Variants in SEL1L3 observed in about 807,000 individuals in gnomAD.
The protein encoded by SEL1L3 is protein sel-1 homolog 3.
Under a neutral mutation model 142.8 loss-of-function variants are expected in SEL1L3, and 76 were observed. The ratio of observed to expected loss-of-function variants is 0.53; its 90% CI spans 0.44 to 0.64. SEL1L3 has a LOEUF of 0.64. Ranked by LOEUF, SEL1L3 falls within the 30% of genes least tolerant of loss-of-function variation. The probability of loss-of-function intolerance (pLI) is 0.00; values close to 1 mark genes in which losing one functional copy is unlikely to be tolerated. For missense variants in SEL1L3, 1,262 were observed against 1,381.7 expected (o/e 0.91, Z 1.37); for synonymous variants, 504 against 519.6 (o/e 0.97, Z 0.41).
rs777154017 is a variant in SEL1L3 at position 25,853,741 on chromosome 4, G to C, written c.163-5877C>G. 9.1e-5 allele frequency among the ~76,000 whole-genome samples: 13 copies of C among 143,308 alleles called. No individual in the cohort carries two copies. In the East Asian group the frequency reaches 2.6e-3, roughly 29 times the overall value. 94.0% of individuals were successfully genotyped at this position (143,308 alleles called of 152,430 possible). On this transcript the variant is annotated intron_variant, in intron 1 of 23. Transcript: ENST00000399878. ...GGCTGGAGTGCAATAGGGCAATCTC[G>C]GCTCATTGCAACCTCCGCCTCCCGG...
At chr4:25,853,111 C>T (rs929511913) in intron 1 of SEL1L3, among the ~76,000 whole-genome samples, 1 of 152,192 alleles carries the variant, frequency 6.6e-6, no homozygotes, top group Non-Finnish European at 1.5e-5. Flanking sequence ...TGTTGTGGCT[C>T]ATGCTGGTAA....
intron 2 of SEL1L3, among the ~76,000 whole-genome samples, chr4:25,842,180 G>C (rs901679080): frequency 3.3e-5 from 5 of 151,906 alleles, no homozygotes; most frequent in Non-Finnish European, 5.9e-5. Flanking sequence ...ACGTGTCATA[G>C]GAGCAGTACC....
the SEL1L3 span, among the ~76,000 whole-genome samples, chr4:25,740,957 G>T: frequency 6.6e-6 from 1 of 151,504 alleles, no homozygotes. Context: ...GCTAATTTTT[G>T]TGTTTTTAGT....
chr4:25,775,675 C>T (rs1481367534), intron 17 of SEL1L3, among the ~76,000 whole-genome samples: 1 of 152,108 alleles, frequency 6.6e-6, no homozygotes, highest in Non-Finnish European at 1.5e-5. Flanking sequence ...AAACAGGGAA[C>T]ATTTGTGGGT....
the SEL1L3 span, among the ~76,000 whole-genome samples, chr4:25,733,441 A>AT: frequency 2.9e-4 from 44 of 149,250 alleles, no homozygotes; most frequent in African/African-American, 1.0e-3. Flanking sequence ...TCAAAACATA[A>AT]TTTTTTTAAT....
chr4:25,785,101 C>T (rs1469203497), intron 13 of SEL1L3, among the ~76,000 whole-genome samples: 1 of 152,162 alleles, frequency 6.6e-6, no homozygotes, highest in African/African-American at 2.4e-5. Flanking sequence ...ACTGATACCC[C>T]CAATCCCCAT....
At chr4:25,733,937 T>C in the SEL1L3 span, among the ~76,000 whole-genome samples, 351 of 152,320 alleles carry the variant, frequency 2.3e-3, 1 homozygote, top group Non-Finnish European at 3.4e-3. Context: ...TTAAGTATAA[T>C]GTAGCTGTAG....
downstream of SEL1L3, among the ~76,000 whole-genome samples, chr4:25,744,213 C>G (rs1011690967): frequency 2.0e-5 from 3 of 152,064 alleles, no homozygotes. Flanking sequence ...GTGGTAAGGG[C>G]TGAATTGTGT....
intron 6 of SEL1L3, among the ~76,000 whole-genome samples, chr4:25,828,329 A>T (rs1217908951): frequency 6.6e-6 from 1 of 150,510 alleles, no homozygotes; most frequent in Non-Finnish European, 1.5e-5. Context: ...TTTAATGCAG[A>T]TTCTGATTTA....
At chr4:25,735,369 T>C in the SEL1L3 span, among the ~76,000 whole-genome samples, 5 of 152,134 alleles carry the variant, frequency 3.3e-5, no homozygotes, top group Non-Finnish European at 7.4e-5. Context: ...TTAATGTCTG[T>C]GGGATCTGAA....
chr4:25,834,772 G>GA (rs1454168802), intron 3 of SEL1L3, among the ~76,000 whole-genome samples: 3 of 151,850 alleles, frequency 2.0e-5, no homozygotes, highest in Admixed American at 6.6e-5. Flanking sequence ...TCAGCAGAAG[G>GA]AAAAAAAATA....
At chr4:25,757,487 CTT>C (rs11352729) in intron 23 of SEL1L3, 45 bp downstream of exon 23, 23,591 of 814,344 alleles carry the variant, frequency 0.029, 2 homozygotes, top group East Asian at 0.054. Flanking sequence ...AAAATCCCTG[CTT>C]TTTTTTTTTT....
At chr4:25,797,228 G>A (rs1712834942) in intron 11 of SEL1L3, among the ~76,000 whole-genome samples, 1 of 151,980 alleles carries the variant, frequency 6.6e-6, no homozygotes, top group Non-Finnish European at 1.5e-5. Context: ...TGCAGCTGAG[G>A]AGCGAAGCCT....
intron 20 of SEL1L3, among the ~76,000 whole-genome samples, chr4:25,761,167 GA>G (rs1192341934): frequency 6.6e-6 from 1 of 151,936 alleles, no homozygotes; most frequent in Non-Finnish European, 1.5e-5. Flanking sequence ...TAAGAGAAAA[GA>G]AAAAAATGGC....
At chr4:25,844,963 T>A (rs377438955) in intron 2 of SEL1L3, among the ~76,000 whole-genome samples, 73 of 152,332 alleles carry the variant, frequency 4.8e-4, no homozygotes, top group Middle Eastern at 3.4e-3. Flanking sequence ...TCTTTTCATT[T>A]AAAGCACTGC....
intron 10 of SEL1L3, 113 bp from the exon 11 acceptor site, chr4:25,802,575 A>C: frequency 1.1e-6 from 1 of 902,146 alleles, no homozygotes; most frequent in Non-Finnish European, 1.7e-6. Flanking sequence ...CCATTCCAGA[A>C]ATATGTTAAC....
chr4:25,764,815 G>A (rs1006212518), intron 20 of SEL1L3, among the ~76,000 whole-genome samples: 5 of 152,174 alleles, frequency 3.3e-5, no homozygotes, highest in South Asian at 2.1e-4. Flanking sequence ...TGAGAATGGC[G>A]TGGGGGACAC....
chr4:25,761,345 G>T (rs1230067854), intron 20 of SEL1L3, among the ~76,000 whole-genome samples: 1 of 152,078 alleles, frequency 6.6e-6, no homozygotes, highest in African/African-American at 2.4e-5. Context: ...CAGTAGAGAC[G>T]AGGTTTCTCC....
chr4:25,799,979 T>A (rs1713065287), intron 11 of SEL1L3, among the ~76,000 whole-genome samples: 1 of 152,172 alleles, frequency 6.6e-6, no homozygotes. Context: ...CGAGGACTAA[T>A]CATTTGTAAT....
Sources: gnomAD v4.1 joint callset for allele counts (sites outside exome capture counted in the v4.1 genomes callset) on GRCh38, gnomAD v4.1.1 for gene constraint, MANE v1.5 for transcripts, NCBI Gene and HGNC (gene_info 2026-07-23, HGNC 2026-07-21) for gene names.